The following GLIS3 variants were observed in gnomAD, a reference collection of about 807,000 sequenced individuals.
GLIS3 encodes GLIS family zinc finger 3, also known as zinc finger protein GLIS3.
GLIS3 carries 53 observed loss-of-function variants against 78.6 expected under a neutral mutation model. The observed-to-expected ratio is 0.67, with a 90% CI of 0.54 to 0.85. The LOEUF (loss-of-function observed/expected upper bound fraction) is 0.85. Ranked by LOEUF, GLIS3 falls within the 40% of genes least tolerant of loss-of-function variation. The pLI is 0.00. For missense variants in GLIS3, 1,703 were observed against 1,231.1 expected (o/e 1.38, Z -5.74); for synonymous variants, 684 against 509.9 (o/e 1.34, Z -4.60).
chr9:4,203,908 G>A (rs1819621427), intron 2 of GLIS3, among the ~76,000 whole-genome samples: 1 of 152,108 alleles, frequency 6.6e-6, no homozygotes, highest in Admixed American at 6.6e-5. Flanking sequence ...CCAAACAGTG[G>A]GTACTCATGG....
At chr9:4,262,301 A>AC (rs1473746739) in intron 2 of GLIS3, among the ~76,000 whole-genome samples, 1 of 152,160 alleles carries the variant, frequency 6.6e-6, no homozygotes, top group Non-Finnish European at 1.5e-5. Context: ...CTGCTCACTG[A>AC]CACCCGCTAT....
chr9:4,434,620 A>G, the GLIS3 span, among the ~76,000 whole-genome samples: 1 of 152,164 alleles, frequency 6.6e-6, no homozygotes, highest in African/African-American at 2.4e-5. Context: ...GGATGGATAC[A>G]TGGAGGTGAA....
intron 8 of GLIS3, among the ~76,000 whole-genome samples, chr9:3,861,266 A>G (rs12338464): frequency 0.027 from 4,052 of 152,208 alleles, 199 homozygotes; most frequent in African/African-American, 0.091. Context: ...TCAGATATAA[A>G]CACTAAGGCT....
chr9:3,863,014 C>T (rs1468681447), intron 8 of GLIS3, among the ~76,000 whole-genome samples: 4 of 151,838 alleles, frequency 2.6e-5, no homozygotes, highest in Non-Finnish European at 5.9e-5. Context: ...AGCAGTTGGC[C>T]AACTGCAGAG....
chr9:4,166,096 G>C (rs1031111242), intron 2 of GLIS3, among the ~76,000 whole-genome samples: 1 of 152,174 alleles, frequency 6.6e-6, no homozygotes, highest in African/African-American at 2.4e-5. Flanking sequence ...GAACTTCTCT[G>C]CACCTCAATT....
intron 2 of GLIS3, among the ~76,000 whole-genome samples, chr9:4,338,678 G>C (rs1439959192): frequency 6.6e-6 from 1 of 152,154 alleles, no homozygotes; most frequent in Non-Finnish European, 1.5e-5. Context: ...AAAGGAACTG[G>C]GGGAAAATAG....
intron 4 of GLIS3, among the ~76,000 whole-genome samples, chr9:3,955,670 G>A (rs186386543): frequency 1.3e-5 from 2 of 152,276 alleles, no homozygotes; most frequent in Non-Finnish European, 2.9e-5. Flanking sequence ...AAAGAACTAA[G>A]CATGAAAAGT....
At chr9:4,011,321 CAG>C (rs1171859897) in intron 4 of GLIS3, among the ~76,000 whole-genome samples, 6 of 152,182 alleles carry the variant, frequency 3.9e-5, no homozygotes, top group Non-Finnish European at 5.9e-5. Context: ...GAGTAAGAAG[CAG>C]AGTCTCTGTC....
chr9:3,915,338 A>T (rs776208378), intron 6 of GLIS3, among the ~76,000 whole-genome samples: 5 of 152,120 alleles, frequency 3.3e-5, no homozygotes, highest in Non-Finnish European at 5.9e-5. Context: ...AAATCTAAGG[A>T]AAGTGTTGCA....
At chr9:4,063,829 A>G (rs1826856371) in intron 4 of GLIS3, among the ~76,000 whole-genome samples, 1 of 152,208 alleles carries the variant, frequency 6.6e-6, no homozygotes, top group African/African-American at 2.4e-5. Context: ...CCAACTAATT[A>G]AAAAGTGAAG....
chr9:4,225,882 G>C (rs906017021), intron 2 of GLIS3, among the ~76,000 whole-genome samples: 1 of 152,106 alleles, frequency 6.6e-6, no homozygotes, highest in Non-Finnish European at 1.5e-5. Context: ...GGGGAAATGA[G>C]GAAGGAGAAG....
intron 4 of GLIS3, among the ~76,000 whole-genome samples, chr9:4,014,499 A>G (rs1822282896): frequency 6.6e-6 from 1 of 152,158 alleles, no homozygotes; most frequent in Non-Finnish European, 1.5e-5. Context: ...CATACAGAGG[A>G]AAGATGGCCA....
At chr9:3,848,377 C>G (rs1006647115) in intron 9 of GLIS3, among the ~76,000 whole-genome samples, 2 of 152,164 alleles carry the variant, frequency 1.3e-5, no homozygotes, top group Admixed American at 1.3e-4. Flanking sequence ...TGGCGCATGC[C>G]TGTAATCCCA....
intron 4 of GLIS3, among the ~76,000 whole-genome samples, chr9:3,956,197 C>T (rs1228797414): frequency 1.3e-5 from 2 of 151,672 alleles, no homozygotes; most frequent in African/African-American, 2.4e-5. Flanking sequence ...AAAAAAAAAT[C>T]ACCTCCAACA....
chr9:3,895,221 C>G (rs931963913), intron 7 of GLIS3, among the ~76,000 whole-genome samples: 1 of 152,258 alleles, frequency 6.6e-6, no homozygotes, highest in Admixed American at 6.5e-5. Flanking sequence ...GTGGCATTCA[C>G]ACTTCGATCA....
intron 2 of GLIS3, among the ~76,000 whole-genome samples, chr9:4,167,265 T>C (rs1215195252): frequency 6.6e-6 from 1 of 151,874 alleles, no homozygotes; most frequent in Non-Finnish European, 1.5e-5. Context: ...AAATTCCAAA[T>C]TATGGCAATT....
the GLIS3 span, among the ~76,000 whole-genome samples, chr9:4,419,114 G>A: frequency 6.6e-6 from 1 of 152,168 alleles, no homozygotes; most frequent in African/African-American, 2.4e-5. Flanking sequence ...CTCAGAATTA[G>A]TTCATGAGTT....
intron 2 of GLIS3, among the ~76,000 whole-genome samples, chr9:4,266,955 C>A (rs1016137287): frequency 7.9e-5 from 12 of 152,220 alleles, no homozygotes; most frequent in African/African-American, 2.9e-4. Context: ...ATAAGTGCTA[C>A]ATGCTGTGAT....
intron 6 of GLIS3, among the ~76,000 whole-genome samples, chr9:3,900,095 G>A (rs532036002): frequency 6.6e-6 from 1 of 150,952 alleles, no homozygotes; most frequent in East Asian, 2.0e-4. Flanking sequence ...GCCTGGGGAA[G>A]AGAAATAGAA....
Sources: gnomAD v4.1 joint callset for allele counts (sites outside exome capture counted in the v4.1 genomes callset) on GRCh38, gnomAD v4.1.1 for gene constraint, MANE v1.5 for transcripts, NCBI Gene and HGNC (gene_info 2026-07-23, HGNC 2026-07-21) for gene names.